LHFPL2: variants seen among roughly 807,000 people sequenced by gnomAD.
LHFPL2 encodes the protein LHFPL tetraspan subfamily member 2.
Under a neutral mutation model 17.5 loss-of-function variants are expected in LHFPL2, and 7 were observed. The ratio of observed to expected loss-of-function variants is 0.40; its 90% confidence interval spans 0.23 to 0.75. The LOEUF (loss-of-function observed/expected upper bound fraction) is 0.75, where lower values mean the gene tolerates loss of function less well. Among genes scored for constraint, LHFPL2 ranks in the 30% least tolerant of loss-of-function variants. The pLI is 0.37. For synonymous variants in LHFPL2, 134 were observed against 116.2 expected (o/e 1.15, Z -0.99); for missense variants, 241 against 294.8 (o/e 0.82, Z 1.34).
chr5:78,599,911 T>C lies in LHFPL2; in HGVS notation c.-245+32353A>G, dbSNP rs146879829. ...TTTACATAGTACCTGAAAAGACAAA[T>C]TTTTGAAGTGACGATTCAGAGTCAA... On this transcript the variant is annotated intron_variant, in intron 2 of 4. Coordinates refer to ENST00000380345, the MANE Select transcript of LHFPL2 (RefSeq NM_005779.3). Among the ~76,000 whole-genome samples the C allele has an allele frequency of 2.9e-4, 44 of 152,264 alleles. No individual in the cohort carries two copies. In the East Asian group the frequency reaches 7.5e-3, roughly 26 times the overall value.
intron 4 of LHFPL2, among the ~76,000 whole-genome samples, chr5:78,506,847 T>A (rs1297642015): frequency 6.6e-6 from 1 of 152,220 alleles, no homozygotes; most frequent in Non-Finnish European, 1.5e-5. Context: ...AATCTCTGCC[T>A]TGTGCCAATT....
intron 3 of LHFPL2, among the ~76,000 whole-genome samples, chr5:78,536,654 T>C (rs899802871): frequency 6.6e-6 from 1 of 152,226 alleles, no homozygotes; most frequent in African/African-American, 2.4e-5. Flanking sequence ...CAGTCTCAGT[T>C]ATTCATCAGC....
intron 4 of LHFPL2, among the ~76,000 whole-genome samples, chr5:78,497,029 G>C (rs1322345996): frequency 6.6e-6 from 1 of 152,192 alleles, no homozygotes; most frequent in Non-Finnish European, 1.5e-5. Flanking sequence ...TGAAAATTAT[G>C]TCCAAACCAG....
chr5:78,600,786 G>A (rs756857309), intron 2 of LHFPL2, among the ~76,000 whole-genome samples: 5 of 152,112 alleles, frequency 3.3e-5, no homozygotes, highest in African/African-American at 9.7e-5. Context: ...TATACTTAAC[G>A]TCCTCAGAGA....
At chr5:78,532,257 G>T (rs543753802) in intron 3 of LHFPL2, among the ~76,000 whole-genome samples, 1 of 151,292 alleles carries the variant, frequency 6.6e-6, no homozygotes, top group South Asian at 2.1e-4. Context: ...ATGGGGTTTT[G>T]CCATGTTGCC....
intron 3 of LHFPL2, among the ~76,000 whole-genome samples, chr5:78,537,623 C>T (rs903688860): frequency 3.3e-5 from 5 of 152,174 alleles, no homozygotes; most frequent in Admixed American, 1.3e-4. Context: ...TCCTCCCACA[C>T]GGACCCCACG....
At position 78,489,061 on chromosome 5, in the gene LHFPL2, T is replaced by C. The variant is rs751959967; in HGVS notation, c.523A>G (p.Lys175Glu). ...DYCGHYASAY[K>E]PGDCSLGWAF... ...CAGCCCAAGGAGCAGTCTCCAGGTT[T>C]GTAGGCAGATGCATAATGTCCACAG... Residue 175 changes from lysine to glutamate, a missense_variant, in exon 5 of 5, where the codon AAA becomes GAA. Coordinates refer to ENST00000380345, the MANE Select transcript of LHFPL2 (RefSeq NM_005779.3). 8.1e-6 allele frequency: 13 copies of C among 1,614,086 alleles called. No individual in the cohort carries two copies. Among genetic ancestry groups the C allele is most frequent in the Non-Finnish European group, 1.1e-5 (13 of 1,180,040 alleles).
At chr5:78,563,697 C>T (rs1459094897) in intron 3 of LHFPL2, among the ~76,000 whole-genome samples, 1 of 133,960 alleles carries the variant, frequency 7.5e-6, no homozygotes, top group Admixed American at 7.2e-5. Flanking sequence ...CCAGACTCCA[C>T]TTCAAAAAAA....
intron 3 of LHFPL2, among the ~76,000 whole-genome samples, chr5:78,545,287 C>G (rs1233412361): frequency 6.6e-6 from 1 of 152,206 alleles, no homozygotes; most frequent in Non-Finnish European, 1.5e-5. Flanking sequence ...ACACCGAAGG[C>G]TCTATCTCAG....
At position 78,488,885 on chromosome 5, in the gene LHFPL2, G is replaced by C. The variant is rs773218758; in HGVS notation, c.*12C>G. On this transcript the variant is annotated 3_prime_UTR_variant, in exon 5 of 5. Transcript: ENST00000380345. ...ATTACTCAAGGGAGAAAATGGCATT[G>C]TCTCTTCCAAACTAAAGGAGGCAGA... 1 of 1,612,440 alleles carries C rather than the reference G, an allele frequency of 6.2e-7. No individual in the cohort carries two copies. The highest frequency in any genetic ancestry group is 8.5e-7 in the Non-Finnish European group (1 of 1,179,086).
intron 4 of LHFPL2, among the ~76,000 whole-genome samples, chr5:78,497,898 C>T (rs1226986203): frequency 6.6e-6 from 1 of 152,228 alleles, no homozygotes. Flanking sequence ...GGTATCTAGA[C>T]ACCAGCCTGA....
chr5:78,516,252 C>T (rs201201134), intron 3 of LHFPL2, among the ~76,000 whole-genome samples: 1 of 152,088 alleles, frequency 6.6e-6, no homozygotes, highest in South Asian at 2.1e-4. Flanking sequence ...CTTTAGGGTA[C>T]GTCTAAACAT....
chr5:78,537,512 G>A (rs1196886118), intron 3 of LHFPL2, among the ~76,000 whole-genome samples: 1 of 152,176 alleles, frequency 6.6e-6, no homozygotes, highest in Admixed American at 6.5e-5. Context: ...CAAGGGCATT[G>A]GACACAGGCA....
chr5:78,513,689 G>A (rs1282411080), intron 3 of LHFPL2, among the ~76,000 whole-genome samples: 1 of 152,126 alleles, frequency 6.6e-6, no homozygotes, highest in Non-Finnish European at 1.5e-5. Context: ...TCATGGTAGT[G>A]AATAAGTCTC....
chr5:78,546,702 C>G (rs1334945589), intron 3 of LHFPL2, among the ~76,000 whole-genome samples: 3 of 152,218 alleles, frequency 2.0e-5, no homozygotes, highest in Non-Finnish European at 1.5e-5. Context: ...ACTTAGAGGT[C>G]ACAGTCTGCG....
intron 2 of LHFPL2, among the ~76,000 whole-genome samples, chr5:78,573,445 G>C (rs1403390499): frequency 6.6e-6 from 1 of 152,196 alleles, no homozygotes. Context: ...CAAGTGAATG[G>C]CAGGGAAACA....
intron 2 of LHFPL2, among the ~76,000 whole-genome samples, chr5:78,589,001 A>G (rs547297531): frequency 1.3e-5 from 2 of 152,318 alleles, no homozygotes; most frequent in East Asian, 3.9e-4. Context: ...CCTGCCAACC[A>G]TAATGTGTGG....
intron 2 of LHFPL2, among the ~76,000 whole-genome samples, 187 bp from the exon 3 acceptor site, chr5:78,565,058 G>T (rs964349186): frequency 3.3e-5 from 5 of 152,130 alleles, no homozygotes; most frequent in African/African-American, 1.2e-4. Context: ...CGAACACAGG[G>T]TCCAAACCAC....
chr5:78,532,853 A>G (rs935752707), intron 3 of LHFPL2, among the ~76,000 whole-genome samples: 1 of 152,150 alleles, frequency 6.6e-6, no homozygotes, highest in African/African-American at 2.4e-5. Flanking sequence ...AGAGGCAAAA[A>G]TCAGGGAGGG....
Sources: gnomAD v4.1 joint callset for allele counts (sites outside exome capture counted in the v4.1 genomes callset) on GRCh38, gnomAD v4.1.1 for gene constraint, MANE v1.5 for transcripts, NCBI Gene and HGNC (gene_info 2026-07-23, HGNC 2026-07-21) for gene names.